NCAM2: variants seen among roughly 807,000 people sequenced by gnomAD.
The protein encoded by NCAM2 is neural cell adhesion molecule 2.
Under a neutral mutation model 98.1 loss-of-function variants are expected in NCAM2, and 30 were observed. That is an observed-to-expected ratio of 0.31 (90% CI 0.23 to 0.41). The LOEUF is 0.41. NCAM2 is among the 10% of genes least tolerant of loss of function. The pLI, the probability that NCAM2 is intolerant of heterozygous loss-of-function variation, is 1.00. For synonymous variants in NCAM2, 368 were observed against 342.4 expected (o/e 1.07, Z -0.83); for missense variants, 867 against 1,005.8 (o/e 0.86, Z 1.87).
At chr21:21,262,654 C>T (rs1406800113) in intron 1 of NCAM2, among the ~76,000 whole-genome samples, 1 of 24,606 alleles carries the variant, frequency 4.1e-5, no homozygotes, top group Non-Finnish European at 8.3e-5. Flanking sequence ...CCAGAACAAT[C>T]AGTCAAAAAA....
chr21:21,079,942 G>A (rs1223819354), intron 1 of NCAM2, among the ~76,000 whole-genome samples: 1 of 152,064 alleles, frequency 6.6e-6, no homozygotes, highest in Non-Finnish European at 1.5e-5. Flanking sequence ...TTTGCTTGCT[G>A]CTCCTGCCTG....
chr21:21,253,668 T>TTA (rs969175266), intron 1 of NCAM2, among the ~76,000 whole-genome samples: 1 of 152,214 alleles, frequency 6.6e-6, no homozygotes. Flanking sequence ...TGGTAATTTG[T>TTA]TATAGCAGGC....
chr21:21,409,024 G>A (rs1196828711), intron 9 of NCAM2, among the ~76,000 whole-genome samples: 1 of 151,886 alleles, frequency 6.6e-6, no homozygotes, highest in Non-Finnish European at 1.5e-5. Flanking sequence ...GACTTAAATT[G>A]ATAATTTTTG....
chr21:21,514,416 CAGTG>C (rs1988586038), intron 16 of NCAM2, among the ~76,000 whole-genome samples: 1 of 141,344 alleles, frequency 7.1e-6, no homozygotes, highest in Non-Finnish European at 1.5e-5. Flanking sequence ...GTGGAAGTTG[CAGTG>C]AGCCATTGTA....
intron 9 of NCAM2, among the ~76,000 whole-genome samples, chr21:21,388,747 T>G (rs2076320787): frequency 6.6e-6 from 1 of 152,166 alleles, no homozygotes; most frequent in African/African-American, 2.4e-5. Flanking sequence ...GTGAATCTGT[T>G]TATTCGGTTG....
chr21:21,454,581 T>C (rs372556434), intron 12 of NCAM2, among the ~76,000 whole-genome samples: 2 of 152,092 alleles, frequency 1.3e-5, no homozygotes, highest in African/African-American at 4.8e-5. Context: ...CTTTCCTGCA[T>C]TTGTCGGTTT....
intron 1 of NCAM2, among the ~76,000 whole-genome samples, chr21:21,236,950 C>T (rs2070856572): frequency 6.6e-6 from 1 of 152,086 alleles, no homozygotes; most frequent in Non-Finnish European, 1.5e-5. Context: ...ATTACAATTC[C>T]TCTGTCACAT....
At chr21:21,031,671 CA>C (rs2064685925) in intron 1 of NCAM2, among the ~76,000 whole-genome samples, 1 of 152,164 alleles carries the variant, frequency 6.6e-6, no homozygotes, top group South Asian at 2.1e-4. Flanking sequence ...GTTGATTTGA[CA>C]AGCAAATTAA....
intron 13 of NCAM2, among the ~76,000 whole-genome samples, chr21:21,467,388 ATATATATATATCGTTGTATATGTG>A: frequency 7.1e-6 from 1 of 140,522 alleles, no homozygotes. Context: ...ATCTTTATAT[ATATATATATATCGTTGTATATGTG>A]TATATATATA....
At chr21:21,347,692 TA>T (rs962007197) in intron 8 of NCAM2, among the ~76,000 whole-genome samples, 8 of 151,680 alleles carry the variant, frequency 5.3e-5, no homozygotes, top group Non-Finnish European at 1.0e-4. Context: ...CAAAGACACA[TA>T]AAAAAAGTAT....
At chr21:21,489,649 A>G (rs1449074075) in intron 15 of NCAM2, among the ~76,000 whole-genome samples, 2 of 152,180 alleles carry the variant, frequency 1.3e-5, no homozygotes, top group African/African-American at 4.8e-5. Flanking sequence ...AAATAACTGA[A>G]TATACAGATA....
chr21:21,536,235 G>C (rs2826885), intron 17 of NCAM2, among the ~76,000 whole-genome samples: 92,530 of 151,580 alleles, frequency 0.61, 28,640 homozygotes, highest in Admixed American at 0.69. Context: ...CTTTTGATTA[G>C]TTCTGATTGC....
At chr21:21,226,978 A>G (rs908028430) in intron 1 of NCAM2, 5 of 152,058 alleles carry the variant, frequency 3.3e-5, no homozygotes, top group African/African-American at 1.2e-4. Flanking sequence ...AATAAGAACT[A>G]TTAGCAAGTT....
intron 5 of NCAM2, among the ~76,000 whole-genome samples, chr21:21,315,006 G>A (rs2074175907): frequency 1.3e-5 from 2 of 152,050 alleles, no homozygotes; most frequent in African/African-American, 2.4e-5. Context: ...ATTATCTTTA[G>A]GACTTTGAAT....
intron 1 of NCAM2, among the ~76,000 whole-genome samples, chr21:21,150,822 T>TTATAAACA (rs2067425674): frequency 6.6e-6 from 1 of 151,896 alleles, no homozygotes; most frequent in Non-Finnish European, 1.5e-5. Flanking sequence ...TAAAATTAAT[T>TTATAAACA]GGGAAGTGTT....
intron 1 of NCAM2, among the ~76,000 whole-genome samples, chr21:21,089,912 A>G (rs573880682): frequency 4.7e-4 from 71 of 152,330 alleles, no homozygotes; most frequent in African/African-American, 1.6e-3. Context: ...AAGAGACCAT[A>G]TCGTAAAAGC....
chr21:21,253,241 A>G (rs913782602), intron 1 of NCAM2, among the ~76,000 whole-genome samples: 17 of 152,190 alleles, frequency 1.1e-4, no homozygotes, highest in Non-Finnish European at 1.3e-4. Flanking sequence ...GAAATTCATT[A>G]AGCAATTTGA....
rs558917472 is a variant in NCAM2, at chr21:21,226,392, T to C, written c.56-54186T>C. On this transcript the variant is annotated intron_variant, in intron 1 of 17. Coordinates refer to ENST00000400546, the MANE Select transcript of NCAM2 (RefSeq NM_004540.5). ...GAAACAGAAACAAATGTATGTGAGT[T>C]AGGTTGATATTCATTACCTCAGATT... is the stretch of plus-strand genomic sequence containing the variant. Among the ~76,000 whole-genome samples, 64 of 152,248 alleles carry C rather than the reference T, an allele frequency of 4.2e-4. No homozygotes were observed. In the South Asian group the frequency reaches 0.013, roughly 31 times the overall value.
intron 1 of NCAM2, among the ~76,000 whole-genome samples, chr21:21,259,283 G>A (rs2071798666): frequency 6.6e-6 from 1 of 152,156 alleles, no homozygotes; most frequent in African/African-American, 2.4e-5. Context: ...GCCCATTTTG[G>A]TGGTAGCCAC....
Sources: allele counts gnomAD v4.1 joint callset (sites outside exome capture counted in the v4.1 genomes callset), GRCh38; gene constraint gnomAD v4.1.1; transcripts MANE v1.5; gene names NCBI Gene and HGNC (gene_info 2026-07-23, HGNC 2026-07-21).